The following RDX variants were observed in gnomAD, a reference collection of about 807,000 sequenced individuals.
RDX encodes the protein radixin.
A neutral mutation model predicts 83.7 loss-of-function variants in RDX; 32 were observed. The observed-to-expected ratio is 0.38, with a 90% CI of 0.29 to 0.51. The LOEUF (loss-of-function observed/expected upper bound fraction) is 0.51, where lower values mean the gene tolerates loss of function less well. Ranked by LOEUF, RDX falls within the 20% of genes least tolerant of loss-of-function variation. The pLI is 0.87. For missense variants in RDX, 600 were observed against 689.9 expected (o/e 0.87, Z 1.46); for synonymous variants, 229 against 222.7 (o/e 1.03, Z -0.25).
intron 14 of RDX, among the ~76,000 whole-genome samples, chr11:110,205,431 C>CAA (rs35103862): frequency 0.046 from 2,175 of 46,870 alleles, 112 homozygotes; most frequent in African/African-American, 0.17. Flanking sequence ...TTTACCTATC[C>CAA]AAAAAAAAAA....
chr11:110,254,133 T>G, intron 8 of RDX, 24 bp from the exon 9 acceptor site: 1 of 1,601,490 alleles, frequency 6.2e-7, no homozygotes, highest in South Asian at 1.1e-5. Flanking sequence ...ATTCTGAATT[T>G]AAAATCTTCC....
intron 2 of RDX, among the ~76,000 whole-genome samples, 162 bp downstream of exon 2, chr11:110,279,519 G>A (rs549566381): frequency 6.6e-6 from 1 of 152,272 alleles, no homozygotes; most frequent in Non-Finnish European, 1.5e-5. Context: ...GAGCAACACT[G>A]TGTTTCTAAT....
At chr11:110,195,809 G>A (rs2298501) in intron 15 of RDX, 58,893 of 151,962 alleles carry the variant, frequency 0.39, 11,648 homozygotes, top group East Asian at 0.6. Flanking sequence ...AAAAAAGTGG[G>A]TTCTCATAAG....
intron 1 of RDX, among the ~76,000 whole-genome samples, chr11:110,284,373 G>A (rs944951390): frequency 6.6e-6 from 1 of 152,124 alleles, no homozygotes; most frequent in African/African-American, 2.4e-5. Context: ...GATACTATGT[G>A]ATAACATGGA....
chr11:110,201,265 G>A (rs1367654755), intron 14 of RDX, among the ~76,000 whole-genome samples: 1 of 151,574 alleles, frequency 6.6e-6, no homozygotes, highest in Admixed American at 6.6e-5. Context: ...TTCTCACTGT[G>A]ATTAACTAGT....
At chr11:110,275,990 T>C (rs1860502221) in intron 2 of RDX, among the ~76,000 whole-genome samples, 1 of 151,978 alleles carries the variant, frequency 6.6e-6, no homozygotes, top group South Asian at 2.1e-4. Flanking sequence ...GTATAAATGT[T>C]GGCCAGGCTG....
chr11:110,268,731 C>A (rs1257256162), intron 3 of RDX, among the ~76,000 whole-genome samples: 2 of 151,910 alleles, frequency 1.3e-5, no homozygotes, highest in African/African-American at 4.8e-5. Flanking sequence ...GCCCTGTCTC[C>A]CCAGTGGTTC....
intron 15 of RDX, among the ~76,000 whole-genome samples, chr11:110,190,135 T>C (rs1419368566): frequency 6.6e-6 from 1 of 152,138 alleles, no homozygotes; most frequent in Non-Finnish European, 1.5e-5. Flanking sequence ...ATACCAAAAT[T>C]TCTGTGATGC....
chr11:110,273,586 T>A lies in RDX; in HGVS notation c.13-967A>T, dbSNP rs138452864. Among the ~76,000 whole-genome samples the A allele has an allele frequency of 9.1e-3, 1,379 of 152,344 alleles. 19 individuals carry two copies. The highest frequency in any genetic ancestry group is 0.032 in the African/African-American group (1,335 of 41,568). On this transcript the variant is annotated intron_variant, in intron 2 of 13. Coordinates refer to ENST00000645495, the MANE Select transcript of RDX (RefSeq NM_002906.4). ...TGTGCCGCCAGGCCTAGCTCCAAAC[T>A]CTATTTTAAATAATAATTTTATTGT...
chr11:110,277,380 T>C (rs1051762870), intron 2 of RDX, among the ~76,000 whole-genome samples: 1 of 152,144 alleles, frequency 6.6e-6, no homozygotes. Context: ...AGTGCAGTGG[T>C]GCGATCTTGG....
chr11:110,243,005 T>A (rs147411730), intron 10 of RDX, among the ~76,000 whole-genome samples: 3 of 152,266 alleles, frequency 2.0e-5, no homozygotes, highest in Admixed American at 2.0e-4. Context: ...CTGTAAAGCA[T>A]GAAATATTTA....
chr11:110,205,193 AT>A (rs960003485), intron 14 of RDX, among the ~76,000 whole-genome samples: 7 of 152,354 alleles, frequency 4.6e-5, no homozygotes, highest in Middle Eastern at 3.4e-3. Flanking sequence ...AGACAAAAAA[AT>A]AAAATAAAAT....
chr11:110,223,278 G>A (rs577955485), intron 14 of RDX, among the ~76,000 whole-genome samples: 1 of 152,074 alleles, frequency 6.6e-6, no homozygotes, highest in African/African-American at 2.4e-5. Flanking sequence ...GCGTGAACCC[G>A]GGAGGTGGAG....
At position 110,273,498 on chromosome 11, in the gene RDX, T is replaced by TGA. The variant is rs561969748; in HGVS notation, c.13-881_13-880dup. 3.1e-4 allele frequency among the ~76,000 whole-genome samples: 47 copies of TGA among 152,334 alleles called. 1 individual carries two copies. In the East Asian group the frequency reaches 9.1e-3, roughly 29 times the overall value. On this transcript the variant is annotated intron_variant, in intron 2 of 13. Coordinates refer to ENST00000645495, the MANE Select transcript of RDX (RefSeq NM_002906.4). ...GTGCAATCATGGCACACTGCAACCT[T>TGA]GATCTCCTGGACGCAAACCTATACT...
intron 14 of RDX, among the ~76,000 whole-genome samples, chr11:110,203,336 G>C (rs1183807635): frequency 6.6e-6 from 1 of 150,776 alleles, no homozygotes; most frequent in Non-Finnish European, 1.5e-5. Flanking sequence ...TGGAGATAGA[G>C]AGTAAAAGGA....
rs1035040965 is a variant in RDX, at chr11:110,292,406, G to A, written c.-65+4061C>T. On this transcript the variant is annotated intron_variant, in intron 1 of 13. Coordinates refer to ENST00000645495, the MANE Select transcript of RDX (RefSeq NM_002906.4). ...GATCACTTGAGCCCAGGAGGTCAAGGCTGCAGTGAGCTGTAATAGTGCCAC... is the reference window on the plus strand; with the variant it reads ...GATCACTTGAGCCCAGGAGGTCAAGACTGCAGTGAGCTGTAATAGTGCCAC... 7.2e-5 allele frequency among the ~76,000 whole-genome samples: 11 copies of A among 152,244 alleles called. 1 individual carries two copies. The highest frequency in any genetic ancestry group is 5.9e-4 in the Admixed American group (9 of 15,290).
At chr11:110,271,782 A>C (rs544733163) in intron 3 of RDX, among the ~76,000 whole-genome samples, 4 of 152,130 alleles carry the variant, frequency 2.6e-5, no homozygotes, top group African/African-American at 9.7e-5. Flanking sequence ...TGCCTCATAC[A>C]TTATGAACCT....
intron 15 of RDX, among the ~76,000 whole-genome samples, chr11:110,195,199 C>T (rs1023297390): frequency 6.6e-6 from 1 of 151,888 alleles, no homozygotes; most frequent in Non-Finnish European, 1.5e-5. Flanking sequence ...CTCTTGACCT[C>T]GTGACCCATC....
intron 15 of RDX, among the ~76,000 whole-genome samples, chr11:110,180,103 T>C (rs569931570): frequency 6.6e-6 from 1 of 152,170 alleles, no homozygotes; most frequent in East Asian, 1.9e-4. Flanking sequence ...GGTTTCACCA[T>C]GTTGGCCAGG....
Sources: gnomAD v4.1 joint callset for allele counts (sites outside exome capture counted in the v4.1 genomes callset) on GRCh38, gnomAD v4.1.1 for gene constraint, MANE v1.5 for transcripts, NCBI Gene and HGNC (gene_info 2026-07-23, HGNC 2026-07-21) for gene names.